The following GRID2 variants were observed in gnomAD, a reference collection of about 807,000 sequenced individuals.
GRID2 encodes the protein glutamate ionotropic receptor delta type subunit 2, also known as glutamate receptor ionotropic, delta-2.
Under a neutral mutation model 114.8 loss-of-function variants are expected in GRID2, and 33 were observed. That is an observed-to-expected ratio of 0.29 (90% CI 0.22 to 0.38). The LOEUF (loss-of-function observed/expected upper bound fraction) is 0.38. Among genes scored for constraint, GRID2 ranks in the 10% least tolerant of loss-of-function variants. GRID2 has a pLI of 1.00. For missense variants in GRID2, 1,184 were observed against 1,257.7 expected (o/e 0.94, Z 0.89); for synonymous variants, 505 against 449.9 (o/e 1.12, Z -1.55).
At chr4:93,782,749 T>A (rs1734504927) in intron 1 of GRID2, among the ~76,000 whole-genome samples, 1 of 152,154 alleles carries the variant, frequency 6.6e-6, no homozygotes. Context: ...GTATATCAAA[T>A]ATAAAACAAG....
intron 2 of GRID2, among the ~76,000 whole-genome samples, chr4:92,836,109 A>G (rs1419239349): frequency 6.6e-6 from 1 of 152,154 alleles, no homozygotes. Context: ...AGCTACTGCC[A>G]TTTATTTTTG....
chr4:92,336,954 G>T (rs11947829), intron 1 of GRID2, among the ~76,000 whole-genome samples: 1,154 of 78,112 alleles, frequency 0.015, 26 homozygotes, highest in African/African-American at 0.049. Flanking sequence ...TTTCGTTGTT[G>T]TTTTTTTTTT....
At chr4:93,453,314 G>GAA (rs1201912663) in intron 10 of GRID2, among the ~76,000 whole-genome samples, 1 of 102,788 alleles carries the variant, frequency 9.7e-6, no homozygotes, top group African/African-American at 4.1e-5. Context: ...TCAGAGATGG[G>GAA]AAAGAGAGAG....
At chr4:92,484,290 C>T (rs996087828) in intron 1 of GRID2, among the ~76,000 whole-genome samples, 1 of 152,074 alleles carries the variant, frequency 6.6e-6, no homozygotes, top group Non-Finnish European at 1.5e-5. Flanking sequence ...GATGCCTCAT[C>T]CAAGCTGCAT....
At chr4:93,067,417 G>T (rs886544177) in intron 2 of GRID2, among the ~76,000 whole-genome samples, 1 of 151,904 alleles carries the variant, frequency 6.6e-6, no homozygotes, top group Non-Finnish European at 1.5e-5. Flanking sequence ...GTCTTGTAAG[G>T]GCCCATGTTC....
chr4:92,861,988 T>C (rs1744565106), intron 2 of GRID2, among the ~76,000 whole-genome samples: 1 of 152,022 alleles, frequency 6.6e-6, no homozygotes, highest in Admixed American at 6.6e-5. Context: ...CCAGAATTTT[T>C]CTGTCTCATT....
At chr4:93,357,959 T>C (rs1295462361) in intron 8 of GRID2, among the ~76,000 whole-genome samples, 1 of 151,828 alleles carries the variant, frequency 6.6e-6, no homozygotes, top group Non-Finnish European at 1.5e-5. Flanking sequence ...ATTACAATTT[T>C]GGTAAGGTAA....
At chr4:92,473,127 A>G (rs1188584912) in intron 1 of GRID2, among the ~76,000 whole-genome samples, 1 of 152,114 alleles carries the variant, frequency 6.6e-6, no homozygotes, top group East Asian at 1.9e-4. Flanking sequence ...ACGTATAGTC[A>G]GTACCATTTG....
At chr4:92,579,493 A>G (rs1175973394) in intron 1 of GRID2, among the ~76,000 whole-genome samples, 4 of 152,044 alleles carry the variant, frequency 2.6e-5, no homozygotes, top group African/African-American at 9.6e-5. Flanking sequence ...CCAAAAGCAG[A>G]ATATTTTTTC....
intron 2 of GRID2, among the ~76,000 whole-genome samples, chr4:92,657,760 T>C (rs1160642700): frequency 4.6e-5 from 7 of 151,784 alleles, no homozygotes. Flanking sequence ...AAAAAATCCT[T>C]AGACATTTCC....
intron 2 of GRID2, among the ~76,000 whole-genome samples, chr4:92,679,376 T>C (rs1408111542): frequency 6.6e-6 from 1 of 152,082 alleles, no homozygotes; most frequent in Non-Finnish European, 1.5e-5. Context: ...GCAGCATTTT[T>C]TTCTTAGTCA....
At chr4:92,611,492 TA>T in intron 2 of GRID2, among the ~76,000 whole-genome samples, 1 of 151,678 alleles carries the variant, frequency 6.6e-6, no homozygotes, top group Non-Finnish European at 1.5e-5. Context: ...GGCCCTGTAT[TA>T]AAATTAATCC....
At chr4:93,724,926 T>G (rs1040027223) in intron 14 of GRID2, among the ~76,000 whole-genome samples, 1 of 152,090 alleles carries the variant, frequency 6.6e-6, no homozygotes, top group Non-Finnish European at 1.5e-5. Context: ...ATTATAGGTG[T>G]GCACCACCAT....
chr4:92,526,127 A>T (rs1725030746), intron 1 of GRID2, among the ~76,000 whole-genome samples: 9 of 151,922 alleles, frequency 5.9e-5, no homozygotes. Flanking sequence ...GGAAGAAGGG[A>T]AAAAGGGAGG....
chr4:92,838,165 G>A (rs1358137421), intron 2 of GRID2, among the ~76,000 whole-genome samples: 1 of 152,046 alleles, frequency 6.6e-6, no homozygotes, highest in Non-Finnish European at 1.5e-5. Flanking sequence ...AGTAATCCCT[G>A]TGGAGATATT....
At chr4:93,119,410 C>T (rs1264366192) in intron 4 of GRID2, among the ~76,000 whole-genome samples, 2 of 152,032 alleles carry the variant, frequency 1.3e-5, no homozygotes, top group Admixed American at 6.5e-5. Context: ...AGAAACAATA[C>T]AAAAAAATTC....
At chr4:92,826,920 A>G (rs1172068795) in intron 2 of GRID2, among the ~76,000 whole-genome samples, 2 of 152,028 alleles carry the variant, frequency 1.3e-5, no homozygotes, top group African/African-American at 4.8e-5. Flanking sequence ...TGGCCTTGGG[A>G]TACTATCAGT....
intron 1 of GRID2, among the ~76,000 whole-genome samples, chr4:92,512,438 G>A (rs919921176): frequency 2.6e-5 from 4 of 151,718 alleles, no homozygotes; most frequent in Non-Finnish European, 5.9e-5. Context: ...AACATAGTAA[G>A]CTTTCTCTAT....
At chr4:93,200,250 C>A (rs7700033) in intron 4 of GRID2, among the ~76,000 whole-genome samples, 110,550 of 152,138 alleles carry the variant, frequency 0.73, 41,675 homozygotes, top group African/African-American at 0.92. Flanking sequence ...AGGAAAGAAG[C>A]ACAAGTATCA....
Sources: allele counts gnomAD v4.1 joint callset (sites outside exome capture counted in the v4.1 genomes callset), GRCh38; gene constraint gnomAD v4.1.1; transcripts MANE v1.5; gene names NCBI Gene and HGNC (gene_info 2026-07-23, HGNC 2026-07-21).